Variants in GRID2 observed in about 807,000 individuals in gnomAD.
GRID2 encodes the protein glutamate receptor ionotropic, delta-2.
Under a neutral mutation model 114.8 loss-of-function variants are expected in GRID2, and 33 were observed. The ratio of observed to expected loss-of-function variants is 0.29; its 90% CI spans 0.22 to 0.38. The LOEUF (loss-of-function observed/expected upper bound fraction) is 0.38. Among genes scored for constraint, GRID2 ranks in the 10% least tolerant of loss-of-function variants. The pLI, the probability that GRID2 is intolerant of heterozygous loss-of-function variation, is 1.00. For missense variants in GRID2, 1,184 were observed against 1,257.7 expected, an observed-to-expected ratio of 0.94 and a Z score of 0.89; for synonymous variants, 505 against 449.9, an observed-to-expected ratio of 1.12 and a Z score of -1.55.
At chr4:93,128,602 G>A (rs536477954) in intron 4 of GRID2, among the ~76,000 whole-genome samples, 1 of 152,268 alleles carries the variant, frequency 6.6e-6, no homozygotes, top group South Asian at 2.1e-4. Flanking sequence ...GAAAACAGAT[G>A]GCAACGATGA....
chr4:93,174,208 C>A (rs1389101038), intron 4 of GRID2, among the ~76,000 whole-genome samples: 1 of 152,028 alleles, frequency 6.6e-6, no homozygotes, highest in East Asian at 1.9e-4. Flanking sequence ...ACCGCCACAG[C>A]CAAGAGAGAG....
At chr4:92,442,448 C>G (rs1318582733) in intron 1 of GRID2, among the ~76,000 whole-genome samples, 1 of 151,968 alleles carries the variant, frequency 6.6e-6, no homozygotes, top group African/African-American at 2.4e-5. Context: ...GGAGGAGGTT[C>G]TGGAGGAACG....
intron 2 of GRID2, among the ~76,000 whole-genome samples, chr4:92,917,865 A>T (rs1209470121): frequency 3.3e-5 from 5 of 152,124 alleles, no homozygotes; most frequent in Non-Finnish European, 7.3e-5. Flanking sequence ...GCTTTAAAGT[A>T]GTTTTTTTCC....
chr4:93,152,710 A>T (rs1560932241), intron 4 of GRID2, among the ~76,000 whole-genome samples: 1 of 152,116 alleles, frequency 6.6e-6, no homozygotes, highest in Non-Finnish European at 1.5e-5. Flanking sequence ...ATTCTGATAG[A>T]TGAACTGTTA....
chr4:93,292,008 G>A lies in GRID2; in HGVS notation c.1245+53518G>A, dbSNP rs189494767. On this transcript the variant is annotated intron_variant, in intron 8 of 15. Transcript: ENST00000282020. ...TGTAAAGTTTTATTGTTACTCATAA[G>A]ATGGTTGAAATGGGGCCAAGAGAGC... Among the ~76,000 whole-genome samples the A allele has an allele frequency of 2.0e-5, 3 of 152,234 alleles. No individual in the cohort carries two copies. In the East Asian group the frequency reaches 5.8e-4, roughly 29 times the overall value.
At chr4:93,262,204 TTTG>T (rs1750332483) in intron 8 of GRID2, among the ~76,000 whole-genome samples, 1 of 151,954 alleles carries the variant, frequency 6.6e-6, no homozygotes, top group African/African-American at 2.4e-5. Flanking sequence ...CAGTCAAAAA[TTTG>T]ACCAGTTACT....
At chr4:93,506,188 A>G (rs974447472) in intron 12 of GRID2, among the ~76,000 whole-genome samples, 7 of 152,106 alleles carry the variant, frequency 4.6e-5, no homozygotes, top group African/African-American at 1.2e-4. Flanking sequence ...TAAACTTACA[A>G]TTTTACCTGT....
intron 4 of GRID2, among the ~76,000 whole-genome samples, chr4:93,136,691 A>C (rs1735284758): frequency 6.6e-6 from 1 of 152,180 alleles, no homozygotes; most frequent in African/African-American, 2.4e-5. Flanking sequence ...AAACAATAGA[A>C]GAATCTGTGG....
intron 2 of GRID2, among the ~76,000 whole-genome samples, chr4:92,872,068 C>T (rs915615219): frequency 1.4e-4 from 21 of 151,984 alleles, no homozygotes; most frequent in African/African-American, 4.8e-4. Context: ...TTAAACTTTG[C>T]ATTTGAGAAG....
chr4:92,949,793 G>C (rs1751898740), intron 2 of GRID2, among the ~76,000 whole-genome samples: 1 of 151,760 alleles, frequency 6.6e-6, no homozygotes, highest in Non-Finnish European at 1.5e-5. Flanking sequence ...TGTGCACTAA[G>C]GCATGTTTTT....
intron 14 of GRID2, among the ~76,000 whole-genome samples, chr4:93,721,785 T>C (rs1252280199): frequency 1.3e-5 from 2 of 152,214 alleles, no homozygotes; most frequent in Non-Finnish European, 2.9e-5. Context: ...TGTCTCCATT[T>C]TTCTTGTTCA....
At chr4:92,841,313 A>G (rs1742875595) in intron 2 of GRID2, among the ~76,000 whole-genome samples, 1 of 152,086 alleles carries the variant, frequency 6.6e-6, no homozygotes, top group South Asian at 2.1e-4. Context: ...TATTTTTTCA[A>G]CAAGTACCAT....
intron 1 of GRID2, among the ~76,000 whole-genome samples, chr4:92,353,408 T>C (rs1728167149): frequency 6.6e-6 from 1 of 151,908 alleles, no homozygotes; most frequent in Admixed American, 6.6e-5. Flanking sequence ...TATGAGGTTA[T>C]TTTTGTTGAA....
At chr4:93,771,393 A>G (rs1734096194) in intron 15 of GRID2, among the ~76,000 whole-genome samples, 1 of 152,178 alleles carries the variant, frequency 6.6e-6, no homozygotes, top group African/African-American at 2.4e-5. Flanking sequence ...GCTATCACTC[A>G]CGTGCCCTGA....
chr4:93,605,486 T>C (rs1740136521), intron 13 of GRID2, among the ~76,000 whole-genome samples: 1 of 152,176 alleles, frequency 6.6e-6, no homozygotes, highest in Non-Finnish European at 1.5e-5. Context: ...CTATGTATAG[T>C]CTATATATAG....
intron 1 of GRID2, among the ~76,000 whole-genome samples, chr4:92,570,261 C>G (rs970454505): frequency 6.6e-6 from 1 of 151,750 alleles, no homozygotes; most frequent in African/African-American, 2.4e-5. Context: ...AGATCAGATG[C>G]TTATAGTTGT....
In GRID2 at chr4:92,844,094, A is replaced by G. The variant is rs192534229; in HGVS notation, c.245-240901A>G. 3.8e-3 allele frequency among the ~76,000 whole-genome samples: 581 copies of G among 152,256 alleles called. 2 individuals are homozygous for G. The highest frequency in any genetic ancestry group is 0.014 in the African/African-American group (562 of 41,582). ...TTGACTGTGGTAGATAAATTTTTCA[A>G]ATTCTATTTTTGCTTGAAATTTTGA... On this transcript the variant is annotated intron_variant, in intron 2 of 15. Transcript: ENST00000282020.
At chr4:93,159,788 A>C (rs1331382561) in intron 4 of GRID2, among the ~76,000 whole-genome samples, 1 of 150,804 alleles carries the variant, frequency 6.6e-6, no homozygotes, top group Non-Finnish European at 1.5e-5. Flanking sequence ...AGTACAAATC[A>C]CTAGATGCAT....
At chr4:92,397,134 T>C (rs1224766512) in intron 1 of GRID2, among the ~76,000 whole-genome samples, 1 of 152,036 alleles carries the variant, frequency 6.6e-6, no homozygotes, top group Non-Finnish European at 1.5e-5. Flanking sequence ...AAAATAATCA[T>C]GTAAAACTTT....
Sources: allele counts gnomAD v4.1 joint callset (sites outside exome capture counted in the v4.1 genomes callset), GRCh38; gene constraint gnomAD v4.1.1; transcripts MANE v1.5; gene names NCBI Gene and HGNC (gene_info 2026-07-23, HGNC 2026-07-21).